Variants in BTNL8 observed in about 807,000 individuals in gnomAD.
BTNL8 encodes butyrophilin like 8.
BTNL8 carries 22 observed loss-of-function variants against 36.1 expected under a neutral mutation model. That is an observed-to-expected ratio of 0.61 (90% CI 0.44 to 0.87). The LOEUF (loss-of-function observed/expected upper bound fraction) is 0.87, where lower values mean the gene tolerates loss of function less well. BTNL8 is among the 40% of genes least tolerant of loss of function. The pLI is 0.00. For synonymous variants in BTNL8, 203 were observed against 235.6 expected (o/e 0.86, Z 1.27); for missense variants, 526 against 616.9 (o/e 0.85, Z 1.56).
In BTNL8 at chr5:180,949,986, C is replaced by T. The variant is rs78885278; in HGVS notation, c.945C>T (p.Pro315=). 30 of 1,462,208 alleles carry T rather than the reference C, an allele frequency of 2.1e-5. 2 individuals are homozygous for T. The African/African-American group carries it at 2.1e-4, about 10-fold the overall frequency. The allele number at this position is 1,462,208 out of a possible 1,614,324, so 90.6% of individuals were successfully genotyped here. A position where few individuals can be genotyped will look rare whatever the true frequency, so the allele number is the denominator to read the frequency against. The change falls in exon 8 of 8, where the codon CCC becomes CCT. Residue 315 remains proline (P), a synonymous_variant. Transcript: ENST00000340184. ...AAACTGTAACCCATAGAAAAGCTCC[C>T]CAGGAGGTGCCTCACTCTGAGAAGA... ...DLKTVTHRKA[P]QEVPHSEKRF...
At chr5:180,922,142 C>T (rs1019854056) in intron 3 of BTNL8, among the ~76,000 whole-genome samples, 1 of 151,614 alleles carries the variant, frequency 6.6e-6, no homozygotes, top group Non-Finnish European at 1.5e-5. Context: ...TTTCAAAATC[C>T]AACTCTGGAT....
intron 3 of BTNL8, among the ~76,000 whole-genome samples, chr5:180,913,245 A>G (rs917256933): frequency 1.3e-5 from 2 of 152,176 alleles, no homozygotes; most frequent in African/African-American, 2.4e-5. Flanking sequence ...CTCTATGTCA[A>G]TTAGAAGTAG....
At chr5:180,916,116 G>C (rs954062756) in intron 3 of BTNL8, among the ~76,000 whole-genome samples, 10 of 152,208 alleles carry the variant, frequency 6.6e-5, no homozygotes, top group Non-Finnish European at 1.5e-5. Flanking sequence ...AATGGCAAGA[G>C]AGTAAGAAAG....
At position 180,948,417 on chromosome 5, in the gene BTNL8, C is replaced by T. The variant is rs778767205; in HGVS notation, c.808+42C>T. 29 of 1,555,590 alleles carry T rather than the reference C, an allele frequency of 1.9e-5. 2 individuals are homozygous for T. The highest frequency in any genetic ancestry group is 2.4e-5 in the Non-Finnish European group (27 of 1,134,298). On this transcript the variant is annotated intron_variant, in intron 5 of 7. Coordinates refer to ENST00000340184, the MANE Select transcript of BTNL8 (RefSeq NM_001040462.3). ...TCCTGAGCCTCCCACACATGGTTCT[C>T]CCGGGTCCCTCCCTGATCCACAGTT...
intron 3 of BTNL8, among the ~76,000 whole-genome samples, chr5:180,938,698 C>A (rs1758783380): frequency 6.6e-6 from 1 of 151,880 alleles, no homozygotes; most frequent in Non-Finnish European, 1.5e-5. Flanking sequence ...CCACCACACC[C>A]AGCTAATTTT....
chr5:180,902,652 T>A (rs1756882561), intron 1 of BTNL8, among the ~76,000 whole-genome samples: 1 of 149,670 alleles, frequency 6.7e-6, no homozygotes, highest in Non-Finnish European at 1.5e-5. Flanking sequence ...ATTAGGTATA[T>A]CTCCCGATGC....
At chr5:180,908,407 G>A (rs1582012647) in intron 1 of BTNL8, among the ~76,000 whole-genome samples, 179 bp from the exon 2 acceptor site, 1 of 152,168 alleles carries the variant, frequency 6.6e-6, no homozygotes, top group African/African-American at 2.4e-5. Flanking sequence ...TGCGCCCACT[G>A]TCTGGCACTC....
At chr5:180,931,740 A>C (rs145030711) in intron 3 of BTNL8, among the ~76,000 whole-genome samples, 1 of 152,360 alleles carries the variant, frequency 6.6e-6, no homozygotes, top group African/African-American at 2.4e-5. Context: ...GAGAAATGCA[A>C]ATCAAAAGCA....
chr5:180,916,383 A>G (rs924415307), intron 3 of BTNL8, among the ~76,000 whole-genome samples: 5 of 151,782 alleles, frequency 3.3e-5, no homozygotes, highest in Non-Finnish European at 7.4e-5. Context: ...GAAAAAAGAA[A>G]GATCTCAAAT....
Position 180,899,221 on chromosome 5 carries a change from T to G in BTNL8, c.-90T>G. On this transcript the variant is annotated 5_prime_UTR_variant, in exon 1 of 8. Coordinates refer to ENST00000340184, the MANE Select transcript of BTNL8 (RefSeq NM_001040462.3). ...CTCCGTGGCTTCCGCACCTTGAGCA[T>G]TAGGCCAGTTCTCCTCTTCTCTCTA... 1.3e-6 allele frequency: 2 copies of G among 1,502,184 alleles called. No individual in the cohort carries two copies. Among genetic ancestry groups the G allele is most frequent in the Non-Finnish European group, 1.9e-6 (2 of 1,080,376 alleles). The allele number at this position is 1,502,184 out of a possible 1,614,324, so 93.1% of individuals were successfully genotyped here.
intron 3 of BTNL8, among the ~76,000 whole-genome samples, chr5:180,940,612 A>G (rs1050986333): frequency 6.6e-6 from 1 of 152,172 alleles, no homozygotes; most frequent in Non-Finnish European, 1.5e-5. Context: ...CAACAAAATA[A>G]GAGTTTGTGT....
At chr5:180,914,552 A>G (rs1757540106) in intron 3 of BTNL8, among the ~76,000 whole-genome samples, 1 of 152,256 alleles carries the variant, frequency 6.6e-6, no homozygotes. Context: ...TATATGTTTG[A>G]AACTTTCAAA....
At chr5:180,902,284 C>T (rs1561924745) in intron 1 of BTNL8, 4 of 1,443,690 alleles carry the variant, frequency 2.8e-6, no homozygotes, top group Non-Finnish European at 2.8e-6. Context: ...AGACTTTTTC[C>T]TCTGGATAAC....
intron 3 of BTNL8, among the ~76,000 whole-genome samples, chr5:180,944,389 G>A (rs1162440196): frequency 6.6e-6 from 1 of 152,130 alleles, no homozygotes; most frequent in Non-Finnish European, 1.5e-5. Flanking sequence ...ATTACACAAT[G>A]TATACATGTA....
intron 3 of BTNL8, among the ~76,000 whole-genome samples, chr5:180,915,672 CACAT>C (rs1420526371): frequency 6.6e-6 from 1 of 152,196 alleles, no homozygotes; most frequent in Non-Finnish European, 1.5e-5. Context: ...AGATTCACAG[CACAT>C]TAAAAGATTC....
chr5:180,915,413 G>A (rs1757583255), intron 3 of BTNL8, among the ~76,000 whole-genome samples: 1 of 152,212 alleles, frequency 6.6e-6, no homozygotes, highest in Non-Finnish European at 1.5e-5. Flanking sequence ...TTAGGGAATT[G>A]CCCTAGGGAT....
chr5:180,908,579 C>T lies in BTNL8; in HGVS notation c.50-7C>T. ...TGATGATTTATCTTTTGTATGTCTT[C>T]CCACAGGGCAGTGGCAGGTGTTTGG... is the stretch of plus-strand genomic sequence containing the variant. On this transcript the variant is annotated splice_polypyrimidine_tract_variant and splice_region_variant and intron_variant, in intron 1 of 7. Coordinates refer to ENST00000340184, the MANE Select transcript of BTNL8 (RefSeq NM_001040462.3). The T allele has an allele frequency of 6.2e-7, 1 of 1,612,294 alleles. No homozygotes were observed. The highest frequency in any genetic ancestry group is 8.5e-7 in the Non-Finnish European group (1 of 1,178,814).
At chr5:180,909,720 A>G in intron 2 of BTNL8, 1 of 308,468 alleles carries the variant, frequency 3.2e-6, no homozygotes, top group African/African-American at 2.3e-5. Context: ...CTCTATTAAA[A>G]AAAAAAAAAA....
chr5:180,899,433 G>A, intron 1 of BTNL8, 74 bp downstream of exon 1: 2 of 1,484,448 alleles, frequency 1.3e-6, no homozygotes, highest in East Asian at 4.5e-5. Flanking sequence ...GCAGCATAAT[G>A]GAATGAAGGC....
Sources: gnomAD v4.1 joint callset for allele counts (sites outside exome capture counted in the v4.1 genomes callset) on GRCh38, gnomAD v4.1.1 for gene constraint, MANE v1.5 for transcripts, NCBI Gene and HGNC (gene_info 2026-07-23, HGNC 2026-07-21) for gene names.